Variants in CBLN2 observed in about 807,000 individuals in gnomAD.
CBLN2 encodes cerebellin 2 precursor.
Under a neutral mutation model 15.0 loss-of-function variants are expected in CBLN2, and 7 were observed. The ratio of observed to expected loss-of-function variants is 0.47; its 90% confidence interval spans 0.27 to 0.88. The LOEUF is 0.88. Among genes scored for constraint, CBLN2 ranks in the 40% least tolerant of loss-of-function variants. CBLN2 has a pLI of 0.14. For synonymous variants in CBLN2, 149 were observed against 135.2 expected (o/e 1.10, Z -0.71); for missense variants, 242 against 304.5 (o/e 0.79, Z 1.53).
intron 1 of CBLN2, among the ~76,000 whole-genome samples, chr18:72,569,747 T>C (rs1178661609): frequency 6.6e-6 from 1 of 152,068 alleles, no homozygotes; most frequent in Non-Finnish European, 1.5e-5. Flanking sequence ...GGGAACTCAC[T>C]CACTCATCAC....
chr18:72,614,815 C>G (rs1012015304), intron 1 of CBLN2, among the ~76,000 whole-genome samples: 4 of 151,614 alleles, frequency 2.6e-5, no homozygotes, highest in African/African-American at 9.7e-5. Flanking sequence ...TATACACTCA[C>G]CAAGCTAATG....
At chr18:72,593,117 A>T (rs955942055) in intron 1 of CBLN2, among the ~76,000 whole-genome samples, 1 of 152,148 alleles carries the variant, frequency 6.6e-6, no homozygotes, top group African/African-American at 2.4e-5. Context: ...ATTGCAATTC[A>T]CGAATATGCA....
chr18:72,557,121 T>C (rs904081742), intron 1 of CBLN2, among the ~76,000 whole-genome samples: 14 of 151,920 alleles, frequency 9.2e-5, no homozygotes, highest in Admixed American at 3.3e-4. Flanking sequence ...CAATGTACCA[T>C]GCAAACAAAT....
chr18:72,557,467 A>C (rs1047814874), intron 1 of CBLN2, among the ~76,000 whole-genome samples: 1 of 152,250 alleles, frequency 6.6e-6, no homozygotes, highest in Non-Finnish European at 1.5e-5. Flanking sequence ...ACCATCTTCC[A>C]CAATGGTTGA....
At chr18:72,577,667 C>T (rs989037501) in intron 1 of CBLN2, among the ~76,000 whole-genome samples, 3 of 152,206 alleles carry the variant, frequency 2.0e-5, no homozygotes, top group African/African-American at 4.8e-5. Context: ...TTCCCAGGTA[C>T]GCTCTGGCCT....
chr18:72,591,629 T>C (rs534742959), intron 1 of CBLN2, among the ~76,000 whole-genome samples: 3 of 152,256 alleles, frequency 2.0e-5, no homozygotes, highest in Non-Finnish European at 4.4e-5. Context: ...TTAACCATCC[T>C]TATTTCCCCA....
rs199998229 is a variant in CBLN2, at chr18:72,594,444, CT to C, written c.15+43880del. 1.4e-3 allele frequency among the ~76,000 whole-genome samples: 192 copies of C among 139,512 alleles called. 2 individuals carry two copies. Among genetic ancestry groups the C allele is most frequent in the African/African-American group, 3.3e-3 (125 of 38,248 alleles). The allele number at this position is 139,512 out of a possible 152,430, so 91.5% of individuals were successfully genotyped here. ...ATCATGGATATTGTCCTGTAGTTCT[CT>C]TTTTTTTTTTAATGTATCTTTGTCT... On this transcript the variant is annotated intron_variant, in intron 1 of 2. Coordinates refer to the CBLN2 transcript ENST00000581073.
upstream of CBLN2, chr18:72,544,480 C>A (rs972482097): frequency 2.0e-5 from 3 of 152,200 alleles, no homozygotes; most frequent in Admixed American, 2.0e-4. Context: ...TGGGGCGCCA[C>A]CTGCGGGTGC....
upstream of CBLN2, among the ~76,000 whole-genome samples, chr18:72,545,846 C>T (rs1332912675): frequency 6.6e-6 from 1 of 152,152 alleles, no homozygotes; most frequent in Non-Finnish European, 1.5e-5. Context: ...GTAAGCATTC[C>T]TTTTGACTAA....
intron 1 of CBLN2, among the ~76,000 whole-genome samples, chr18:72,636,972 A>C (rs998891187): frequency 2.0e-5 from 3 of 150,528 alleles, no homozygotes; most frequent in Non-Finnish European, 4.4e-5. Flanking sequence ...GAAAAAAAAA[A>C]TCTTAAATGT....
At chr18:72,562,931 G>A (rs1003328289) in intron 1 of CBLN2, among the ~76,000 whole-genome samples, 3 of 152,160 alleles carry the variant, frequency 2.0e-5, no homozygotes, top group Admixed American at 2.0e-4. Context: ...TTGCTTCTAG[G>A]ATATTGAACC....
chr18:72,568,337 C>T (rs931073345), intron 1 of CBLN2, among the ~76,000 whole-genome samples: 3 of 152,096 alleles, frequency 2.0e-5, no homozygotes, highest in Non-Finnish European at 2.9e-5. Context: ...TTACATCCAT[C>T]GATGTGCTGG....
intron 1 of CBLN2, among the ~76,000 whole-genome samples, chr18:72,606,849 G>T (rs1413249926): frequency 1.3e-5 from 2 of 152,202 alleles, no homozygotes; most frequent in Non-Finnish European, 2.9e-5. Flanking sequence ...GTCAAGAGTG[G>T]GGAGGAAGAA....
At chr18:72,609,642 T>C (rs1435679736) in intron 1 of CBLN2, among the ~76,000 whole-genome samples, 2 of 152,148 alleles carry the variant, frequency 1.3e-5, no homozygotes, top group African/African-American at 2.4e-5. Context: ...GCAAGTTTCT[T>C]CAACATGTCA....
intron 1 of CBLN2, among the ~76,000 whole-genome samples, chr18:72,603,227 C>A (rs2069560983): frequency 6.6e-6 from 1 of 152,194 alleles, no homozygotes; most frequent in Non-Finnish European, 1.5e-5. Flanking sequence ...TTATAAAAAC[C>A]TTTCTCATTT....
At position 72,628,172 on chromosome 18, in the gene CBLN2, G is replaced by A. The variant is rs140472111; in HGVS notation, c.15+10153C>T. 3.4e-3 allele frequency among the ~76,000 whole-genome samples: 520 copies of A among 152,290 alleles called. 1 individual carries two copies. Among genetic ancestry groups the A allele is most frequent in the Non-Finnish European group, 6.1e-3 (417 of 68,034 alleles). On this transcript the variant is annotated intron_variant, in intron 1 of 2. Transcript: ENST00000581073. Reference sequence around the variant, plus strand: ...CTCCACACTTGGTTTAATGTTCTGCGTCACCATCTAGAGTCTTACAATTTT... The same window carrying A: ...CTCCACACTTGGTTTAATGTTCTGCATCACCATCTAGAGTCTTACAATTTT...
chr18:72,556,366 A>G (rs768044259), intron 1 of CBLN2, among the ~76,000 whole-genome samples: 9 of 152,222 alleles, frequency 5.9e-5, no homozygotes, highest in Non-Finnish European at 1.0e-4. Flanking sequence ...TCCATTTTCT[A>G]TCTGTCTATC....
chr18:72,637,079 T>A (rs1283080913), intron 1 of CBLN2, among the ~76,000 whole-genome samples: 1 of 150,188 alleles, frequency 6.7e-6, no homozygotes, highest in East Asian at 1.9e-4. Context: ...AGAAAACAGC[T>A]GAAGCAGCAA....
chr18:72,584,523 C>A (rs367703128), intron 1 of CBLN2, among the ~76,000 whole-genome samples: 1 of 151,794 alleles, frequency 6.6e-6, no homozygotes, highest in South Asian at 2.1e-4. Flanking sequence ...AGGATGGTCT[C>A]GATCTTTTGA....
Sources: gnomAD v4.1 joint callset for allele counts (sites outside exome capture counted in the v4.1 genomes callset) on GRCh38, gnomAD v4.1.1 for gene constraint, MANE v1.5 for transcripts, NCBI Gene and HGNC (gene_info 2026-07-23, HGNC 2026-07-21) for gene names.